RNASEH2C: variants seen among roughly 807,000 people sequenced by gnomAD.
RNASEH2C encodes the protein ribonuclease H2 subunit C.
In RNASEH2C, 20 loss-of-function variants were observed where a neutral mutation model predicts 16.3. The ratio of observed to expected loss-of-function variants is 1.23; its 90% CI spans 0.86 to 1.79. RNASEH2C has a LOEUF of 1.79. RNASEH2C is among the 40% of genes most tolerant of loss of function. The pLI is 0.00. For synonymous variants in RNASEH2C, 106 were observed against 98.9 expected, an observed-to-expected ratio of 1.07 and a Z score of -0.43; for missense variants, 296 against 235.9, an observed-to-expected ratio of 1.25 and a Z score of -1.67.
chr11:65,720,397 C>G lies in RNASEH2C; in HGVS notation c.193G>C (p.Gly65Arg), dbSNP rs1469776080. The change falls in exon 2 of 4, where the codon GGC becomes CGC. Residue 65 changes from glycine to arginine, a missense_variant. By Grantham distance (125) the Gly-to-Arg change is moderately radical. Transcript: ENST00000308418. Reference protein sequence around the residue: ...GPEGLEVSFRGRCLRGEEVAV... With the variant: ...GPEGLEVSFRRRCLRGEEVAV... ...ACCTCCTCTCCCCGTAGACAGCGGC[C>G]CCGAAACGACACTTCGAGTCCTGGA... The G allele has an allele frequency of 1.9e-6, 3 of 1,614,116 alleles. No homozygotes were observed. Among genetic ancestry groups the G allele is most frequent in the Non-Finnish European group, 1.7e-6 (2 of 1,180,046 alleles).
rs1207921002 is a variant in RNASEH2C at position 65,720,314 on chromosome 11, C to A, written c.276G>T (p.Ser92=). The A allele has an allele frequency of 3.7e-6, 6 of 1,614,142 alleles. No individual in the cohort carries two copies. Among genetic ancestry groups the A allele is most frequent in the South Asian group, 1.1e-5 (1 of 91,090 alleles). The change falls in exon 2 of 4, where the codon TCG becomes TCT. Residue 92 remains serine (S), a synonymous_variant. Coordinates refer to ENST00000308418, the MANE Select transcript of RNASEH2C (RefSeq NM_032193.4). ...CCCGCAAGGGGTCTGGCTTCCCCAT[C>A]GACACCTTCTTCTCTTCTGTCACCA... ...YVMVTEEKKV[S]MGKPDPLRDS...
Position 65,718,278 on chromosome 11 carries a change from C to G in RNASEH2C, c.*1505G>C, listed in dbSNP as rs925082657. ...GGATGGCAAAGGAAAATTGGAGGCC[C>G]CTTCTTCCCATGAGCCATTTTCTCT... On this transcript the variant is annotated 3_prime_UTR_variant, in exon 4 of 4. Coordinates refer to ENST00000308418, the MANE Select transcript of RNASEH2C (RefSeq NM_032193.4). The G allele has an allele frequency of 7.4e-6, 2 of 270,196 alleles. No homozygotes were observed. The highest frequency in any genetic ancestry group is 1.4e-5 in the Non-Finnish European group (2 of 141,520). The allele number at this position is 270,196 out of a possible 1,614,324, so 16.7% of individuals were successfully genotyped here.
chr11:65,720,594 G>A lies in RNASEH2C; in HGVS notation c.165C>T (p.Gly55=). 2 of 1,535,390 alleles carry A rather than the reference G, an allele frequency of 1.3e-6. No homozygotes were observed. Among genetic ancestry groups the A allele is most frequent in the Non-Finnish European group, 1.7e-6 (2 of 1,144,468 alleles). ...TCCGGCCGCAGGGCTCACCCTCGGG[G>A]CCCTGGCGGATGGCGGGCGTGAAGA... ...GRFFTPAIRQ[G]PEGLEVSFRG... is the part of the protein sequence containing the mutation. The change falls in exon 1 of 4, where the codon GGC becomes GGT. Residue 55 remains glycine, a synonymous_variant. Coordinates refer to ENST00000308418, the MANE Select transcript of RNASEH2C (RefSeq NM_032193.4).
At position 65,718,696 on chromosome 11, in the gene RNASEH2C, G is replaced by T; in HGVS notation, c.*1087C>A. The stretch of plus-strand genomic sequence containing the variant: ...GCTACTGGTCCCAGACCATCCTGGA[G>T]ATCCTGATGGGGCTGAAGTCGGAGA... On this transcript the variant is annotated 3_prime_UTR_variant, in exon 4 of 4. Transcript: ENST00000308418. The T allele has an allele frequency of 5.6e-6, 9 of 1,614,220 alleles. No homozygotes were observed. Among genetic ancestry groups the T allele is most frequent in the Non-Finnish European group, 7.6e-6 (9 of 1,180,036 alleles).
rs994616128 is a variant in RNASEH2C at position 65,719,547 on chromosome 11, A to T, written c.*236T>A. ...GGGGTGGGGTGGGTGCTGGCTGCAA[A>T]AATTTCTGGCTTCTCTTACCCCTAT... On this transcript the variant is annotated 3_prime_UTR_variant, in exon 4 of 4. Coordinates refer to ENST00000308418, the MANE Select transcript of RNASEH2C (RefSeq NM_032193.4). 3 of 620,664 alleles carry T rather than the reference A, an allele frequency of 4.8e-6. No homozygotes were observed. Among genetic ancestry groups the T allele is most frequent in the Non-Finnish European group, 8.5e-6 (3 of 353,520 alleles). 38.4% of individuals were successfully genotyped at this position (620,664 alleles called of 1,614,324 possible). A position where few individuals can be genotyped will look rare whatever the true frequency, so the allele number is the denominator to read the frequency against.
At position 65,719,378 on chromosome 11, in the gene RNASEH2C, T is replaced by C; in HGVS notation, c.*405A>G. The C allele has an allele frequency of 1.5e-6, 1 of 672,164 alleles. No homozygotes were observed. Among genetic ancestry groups the C allele is most frequent in the East Asian group, 2.7e-5 (1 of 36,702 alleles). The allele number at this position is 672,164 out of a possible 1,614,324, so 41.6% of individuals were successfully genotyped here. ...CTCCGGGCTCAGACCAACTCCAAGG[T>C]CAGCTGGCCACAGGCCCAGGCCTCC... On this transcript the variant is annotated 3_prime_UTR_variant, in exon 4 of 4. Coordinates refer to ENST00000308418, the MANE Select transcript of RNASEH2C (RefSeq NM_032193.4).
At position 65,719,397 on chromosome 11, in the gene RNASEH2C, G is replaced by A. The variant is rs1174657035; in HGVS notation, c.*386C>T. On this transcript the variant is annotated 3_prime_UTR_variant, in exon 4 of 4. Transcript: ENST00000308418. ...CCAAGGTCAGCTGGCCACAGGCCCA[G>A]GCCTCCTCTGAAGCAGGGACCAGAG... 4 of 629,168 alleles carry A rather than the reference G, an allele frequency of 6.4e-6. No homozygotes were observed. Among genetic ancestry groups the A allele is most frequent in the Non-Finnish European group, 1.1e-5 (4 of 363,726 alleles). The allele number at this position is 629,168 out of a possible 1,614,324, so 39.0% of individuals were successfully genotyped here.
Position 65,719,534 on chromosome 11 carries a change from G to A in RNASEH2C, c.*249C>T. On this transcript the variant is annotated 3_prime_UTR_variant, in exon 4 of 4. Coordinates refer to ENST00000308418, the MANE Select transcript of RNASEH2C (RefSeq NM_032193.4). The stretch of plus-strand genomic sequence containing the variant: ...AAAGTAGAAGTTGGGGGTGGGGTGG[G>A]TGCTGGCTGCAAAAATTTCTGGCTT... 1 of 617,200 alleles carries A rather than the reference G, an allele frequency of 1.6e-6. No homozygotes were observed. The highest frequency in any genetic ancestry group is 2.9e-6 in the Non-Finnish European group (1 of 350,632). The allele number at this position is 617,200 out of a possible 1,614,324, so 38.2% of individuals were successfully genotyped here. A position where few individuals can be genotyped will look rare whatever the true frequency, so the allele number is the denominator to read the frequency against.
chr11:65,719,812 G>A lies in RNASEH2C; in HGVS notation c.469-3C>T. On this transcript the variant is annotated splice_region_variant and splice_polypyrimidine_tract_variant and intron_variant, in intron 3 of 3. Transcript: ENST00000308418. ...TCCTCGGGCACCTGTGCGTGAATCTGCAACAGGAGTCGCCTCTACTGTTGG... is the reference window on the plus strand; with the variant it reads ...TCCTCGGGCACCTGTGCGTGAATCTACAACAGGAGTCGCCTCTACTGTTGG... 4 of 1,614,120 alleles carry A rather than the reference G, an allele frequency of 2.5e-6. No homozygotes were observed. Among genetic ancestry groups the A allele is most frequent in the Non-Finnish European group, 3.4e-6 (4 of 1,179,988 alleles).
In RNASEH2C at chr11:65,717,939, G is replaced by A. The variant is rs1352161910; in HGVS notation, c.*1844C>T. The A allele has an allele frequency of 6.5e-6, 1 of 153,394 alleles. No homozygotes were observed. Among genetic ancestry groups the A allele is most frequent in the Non-Finnish European group, 1.5e-5 (1 of 68,952 alleles). The allele number at this position is 153,394 out of a possible 1,614,324, so 9.5% of individuals were successfully genotyped here. A position where few individuals can be genotyped will look rare whatever the true frequency, so the allele number is the denominator to read the frequency against. ...GACCAAGAGATGTGAAGCCACTCAG[G>A]GCTGTGCAGGGTCTGAGGATCTCAC... On this transcript the variant is annotated 3_prime_UTR_variant, in exon 4 of 4. Transcript: ENST00000308418.
At position 65,720,699 on chromosome 11, in the gene RNASEH2C, T is replaced by A; in HGVS notation, c.60A>T (p.Thr20=). ...ERHRVHLRSA[T]LRDAVPATLH... ...GTGTGGCGGGTACGGCGTCGCGCAA[T>A]GTGGCGGAGCGCAAGTGGACGCGGT... is the stretch of plus-strand genomic sequence containing the variant. Residue 20 remains threonine, a synonymous_variant, in exon 1 of 4, where the codon ACA becomes ACT. Coordinates refer to ENST00000308418, the MANE Select transcript of RNASEH2C (RefSeq NM_032193.4). The A allele has an allele frequency of 6.3e-7, 1 of 1,594,680 alleles. No homozygotes were observed.
At chr11:65,719,947 C>T in intron 3 of RNASEH2C, 98 bp downstream of exon 3, 1 of 1,607,084 alleles carries the variant, frequency 6.2e-7, no homozygotes. Flanking sequence ...GCTACGCTTC[C>T]CACACACTAC....
chr11:65,719,968 C>G (rs749337655), intron 3 of RNASEH2C, 77 bp downstream of exon 3: 7 of 1,608,884 alleles, frequency 4.4e-6, no homozygotes, highest in Non-Finnish European at 5.9e-6. Flanking sequence ...CCAGTAGAAT[C>G]CTCCAGGCTC....
chr11:65,718,580 A>G lies in RNASEH2C; in HGVS notation c.*1203T>C, dbSNP rs745451443. 6.2e-7 allele frequency: 1 copy of G among 1,611,774 alleles called. No individual in the cohort carries two copies. The highest frequency in any genetic ancestry group is 1.3e-5 in the African/African-American group (1 of 74,802). Reference sequence around the variant, plus strand: ...CCTCTTACTCACCCTCTCCTGCTCCATTGCTTTAGGCTATGAACTCTCCAA... The same window carrying G: ...CCTCTTACTCACCCTCTCCTGCTCCGTTGCTTTAGGCTATGAACTCTCCAA... On this transcript the variant is annotated 3_prime_UTR_variant, in exon 4 of 4. Coordinates refer to ENST00000308418, the MANE Select transcript of RNASEH2C (RefSeq NM_032193.4).
Position 65,720,168 on chromosome 11 carries a change from G to C in RNASEH2C, c.349-4C>G, listed in dbSNP as rs1857347409. 3 of 1,614,128 alleles carry C rather than the reference G, an allele frequency of 1.9e-6. No individual in the cohort carries two copies. The highest frequency in any genetic ancestry group is 2.5e-6 in the Non-Finnish European group (3 of 1,180,054). ...CAGTGGCTCCAATGAAGCGGTCCTG[G>C]GGAAGGGGCCTGGCTCAGCATCGGG... On this transcript the variant is annotated splice_region_variant and splice_polypyrimidine_tract_variant and intron_variant, in intron 2 of 3. Transcript: ENST00000308418.
rs886048497 is a variant in RNASEH2C at position 65,719,560 on chromosome 11, C to T, written c.*223G>A. On this transcript the variant is annotated 3_prime_UTR_variant, in exon 4 of 4. Coordinates refer to ENST00000308418, the MANE Select transcript of RNASEH2C (RefSeq NM_032193.4). ...TGCTGGCTGCAAAAATTTCTGGCTTCTCTTACCCCTATTGCCCCCGGCAAT... is the reference window on the plus strand; with the variant it reads ...TGCTGGCTGCAAAAATTTCTGGCTTTTCTTACCCCTATTGCCCCCGGCAAT... The T allele has an allele frequency of 1.9e-5, 12 of 635,530 alleles. No individual in the cohort carries two copies. Among genetic ancestry groups the T allele is most frequent in the Non-Finnish European group, 2.8e-5 (10 of 361,762 alleles). 39.4% of individuals were successfully genotyped at this position (635,530 alleles called of 1,614,324 possible).
rs535966679 is a variant in RNASEH2C, at chr11:65,720,173, G to A, written c.349-9C>T. ...GCTCCAATGAAGCGGTCCTGGGGAAGGGGCCTGGCTCAGCATCGGGACTAC... is the reference window on the plus strand; with the variant it reads ...GCTCCAATGAAGCGGTCCTGGGGAAAGGGCCTGGCTCAGCATCGGGACTAC... On this transcript the variant is annotated splice_polypyrimidine_tract_variant and intron_variant, in intron 2 of 3. Transcript: ENST00000308418. The A allele has an allele frequency of 5.3e-5, 86 of 1,614,274 alleles. No homozygotes were observed. In the South Asian group the frequency reaches 9.1e-4, roughly 17 times the overall value.
At position 65,719,372 on chromosome 11, in the gene RNASEH2C, C is replaced by G. The variant is rs1857319866; in HGVS notation, c.*411G>C. The G allele has an allele frequency of 1.3e-5, 9 of 692,954 alleles. 1 individual carries two copies. The South Asian group carries it at 1.7e-4, about 13-fold the overall frequency. The allele number at this position is 692,954 out of a possible 1,614,324, so 42.9% of individuals were successfully genotyped here. ...GGCGAGCTCCGGGCTCAGACCAACTCCAAGGTCAGCTGGCCACAGGCCCAG... is the reference window on the plus strand; with the variant it reads ...GGCGAGCTCCGGGCTCAGACCAACTGCAAGGTCAGCTGGCCACAGGCCCAG... On this transcript the variant is annotated 3_prime_UTR_variant, in exon 4 of 4. Coordinates refer to ENST00000308418, the MANE Select transcript of RNASEH2C (RefSeq NM_032193.4).
rs564250796 is a variant in RNASEH2C at position 65,719,255 on chromosome 11, C to T, written c.*528G>A. 10 of 1,544,828 alleles carry T rather than the reference C, an allele frequency of 6.5e-6. No individual in the cohort carries two copies. Among genetic ancestry groups the T allele is most frequent in the Non-Finnish European group, 7.9e-6 (9 of 1,134,834 alleles). ...ATAGCCCACCCCGCCCCCACTGCAG[C>T]TCCCACAAAGCACTCTAAGGGAGAT... is the stretch of plus-strand genomic sequence containing the variant. On this transcript the variant is annotated 3_prime_UTR_variant, in exon 4 of 4. Transcript: ENST00000308418.
Sources: gnomAD v4.1 joint callset for allele counts on GRCh38, gnomAD v4.1.1 for gene constraint, MANE v1.5 for transcripts, NCBI Gene and HGNC (gene_info 2026-07-23, HGNC 2026-07-21) for gene names.